OPCML: variants seen among roughly 807,000 people sequenced by gnomAD.
The protein encoded by OPCML is opioid-binding protein/cell adhesion molecule.
In OPCML, 13 loss-of-function variants were observed where a neutral mutation model predicts 37.8. That is an observed-to-expected ratio of 0.34 (90% CI 0.22 to 0.55). The LOEUF (loss-of-function observed/expected upper bound fraction) is 0.55. OPCML is among the 20% of genes least tolerant of loss of function. The pLI is 0.91. For synonymous variants in OPCML, 176 were observed against 168.8 expected, an observed-to-expected ratio of 1.04 and a Z score of -0.33; for missense variants, 341 against 435.6, an observed-to-expected ratio of 0.78 and a Z score of 1.93.
chr11:133,431,584 G>C (rs1296500033), intron 1 of OPCML, among the ~76,000 whole-genome samples: 2 of 151,912 alleles, frequency 1.3e-5, no homozygotes, highest in African/African-American at 4.8e-5. Flanking sequence ...TCCTCCATCA[G>C]CCTCCTGAGT....
chr11:132,571,184 TCTGGGA>T (rs1388052575), intron 3 of OPCML, among the ~76,000 whole-genome samples: 1 of 152,068 alleles, frequency 6.6e-6, no homozygotes, highest in East Asian at 2.0e-4. Flanking sequence ...GCCTTTGGAC[TCTGGGA>T]CTTAACACCA....
chr11:132,886,346 G>T (rs1193915670), intron 2 of OPCML, among the ~76,000 whole-genome samples: 6 of 152,310 alleles, frequency 3.9e-5, no homozygotes, highest in African/African-American at 1.4e-4. Context: ...ATTTGGCCTG[G>T]GTGGGGGCGG....
intron 2 of OPCML, among the ~76,000 whole-genome samples, chr11:132,929,046 T>TA (rs1007130276): frequency 2.1e-5 from 3 of 145,232 alleles, no homozygotes; most frequent in Non-Finnish European, 3.0e-5. Context: ...CTTAAGGAAC[T>TA]AAAAAAAAGA....
chr11:133,136,485 C>G (rs1949692502), intron 1 of OPCML, among the ~76,000 whole-genome samples: 1 of 152,092 alleles, frequency 6.6e-6, no homozygotes, highest in Admixed American at 6.5e-5. Context: ...TTGTAGCACA[C>G]CAGGAGCAGA....
At chr11:132,549,667 C>A (rs541760190) in intron 3 of OPCML, among the ~76,000 whole-genome samples, 1 of 152,342 alleles carries the variant, frequency 6.6e-6, no homozygotes, top group Admixed American at 6.5e-5. Flanking sequence ...TGGGAGCTTG[C>A]ACGCGTGAAT....
intron 1 of OPCML, among the ~76,000 whole-genome samples, chr11:133,463,188 A>T (rs2136989742): frequency 1.3e-5 from 2 of 151,336 alleles, no homozygotes; most frequent in Admixed American, 1.3e-4. Context: ...AAAAAAAAAA[A>T]TAGAAAGAAA....
chr11:133,276,606 A>G (rs1271747579), intron 1 of OPCML, among the ~76,000 whole-genome samples: 2 of 152,236 alleles, frequency 1.3e-5, no homozygotes, highest in Non-Finnish European at 2.9e-5. Flanking sequence ...CATGCTGTAC[A>G]AATAAAATGA....
At chr11:133,345,488 A>G (rs1241479440) in intron 1 of OPCML, among the ~76,000 whole-genome samples, 10 of 152,336 alleles carry the variant, frequency 6.6e-5, no homozygotes, top group Non-Finnish European at 1.5e-4. Flanking sequence ...TCCATGAAAC[A>G]CACTGCACTA....
At chr11:132,484,363 A>G (rs892894132) in intron 4 of OPCML, among the ~76,000 whole-genome samples, 10 of 152,346 alleles carry the variant, frequency 6.6e-5, no homozygotes, top group African/African-American at 2.2e-4. Context: ...CAAAACCACA[A>G]TGAGATACCA....
At chr11:132,728,024 G>T (rs1944946866) in intron 2 of OPCML, among the ~76,000 whole-genome samples, 1 of 152,170 alleles carries the variant, frequency 6.6e-6, no homozygotes, top group Admixed American at 6.5e-5. Flanking sequence ...GAAGAAACAG[G>T]TTTACCACAC....
intron 1 of OPCML, among the ~76,000 whole-genome samples, chr11:133,512,893 A>G (rs1248190826): frequency 6.6e-6 from 1 of 152,232 alleles, no homozygotes; most frequent in Non-Finnish European, 1.5e-5. Context: ...ACCAGGGCAG[A>G]GACCAATATA....
intron 1 of OPCML, among the ~76,000 whole-genome samples, chr11:133,342,432 C>T (rs963901017): frequency 3.3e-5 from 5 of 152,166 alleles, no homozygotes; most frequent in African/African-American, 1.2e-4. Context: ...TCTGCTCCTA[C>T]CTGTACATAG....
At chr11:133,319,255 C>G (rs1158543283) in intron 1 of OPCML, among the ~76,000 whole-genome samples, 1 of 152,050 alleles carries the variant, frequency 6.6e-6, no homozygotes, top group African/African-American at 2.4e-5. Context: ...TTGAAGCAGC[C>G]CAGTCAAGTT....
intron 2 of OPCML, among the ~76,000 whole-genome samples, chr11:132,881,465 C>T (rs1376435995): frequency 2.0e-5 from 3 of 152,112 alleles, no homozygotes; most frequent in African/African-American, 7.2e-5. Context: ...TGGCAGGAGG[C>T]CTGCTGACTA....
rs993850697 is a variant in OPCML at position 132,416,865 on chromosome 11, A to C, written c.*3328T>G. 2.6e-5 allele frequency: 4 copies of C among 152,628 alleles called. No individual in the cohort carries two copies. Among genetic ancestry groups the C allele is most frequent in the Non-Finnish European group, 5.9e-5 (4 of 68,040 alleles). 9.5% of individuals were successfully genotyped at this position (152,628 alleles called of 1,614,324 possible). A position where few individuals can be genotyped will look rare whatever the true frequency, so the allele number is the denominator to read the frequency against. On this transcript the variant is annotated 3_prime_UTR_variant, in exon 8 of 8. Transcript: ENST00000524381. ...ACATGCTTGTTTAGACTTGCAGTCG[A>C]CTGTATCAGGCACTTGACATTAAAC... is the stretch of plus-strand genomic sequence containing the variant.
chr11:133,271,220 G>C (rs961440614), intron 1 of OPCML, among the ~76,000 whole-genome samples: 1 of 152,126 alleles, frequency 6.6e-6, no homozygotes, highest in Non-Finnish European at 1.5e-5. Context: ...AGATTAAAAA[G>C]GGTAACATAC....
intron 4 of OPCML, among the ~76,000 whole-genome samples, chr11:132,474,898 A>G (rs2096150090): frequency 6.6e-6 from 1 of 152,218 alleles, no homozygotes; most frequent in South Asian, 2.1e-4. Flanking sequence ...GATGAAAGGC[A>G]TAATCCCCTG....
chr11:133,531,244 C>A (rs1177007730), intron 1 of OPCML, among the ~76,000 whole-genome samples: 1 of 152,204 alleles, frequency 6.6e-6, no homozygotes, highest in Non-Finnish European at 1.5e-5. Context: ...GACTCCTGTG[C>A]AATTATCAAA....
At position 133,140,838 on chromosome 11, in the gene OPCML, A is replaced by AGAC. The variant is rs1555102462; in HGVS notation, c.62-197831_62-197829dup. Reference sequence around the variant, plus strand: ...ACGAAGAAGAAGACGACGACGAAGAAGACGACGACGACGACGAAGAAGACG... The same window carrying AGAC: ...ACGAAGAAGAAGACGACGACGAAGAAGACGACGACGACGACGACGAAGAAGACG... On this transcript the variant is annotated intron_variant, in intron 1 of 7. Coordinates refer to ENST00000524381, the MANE Select transcript of OPCML (RefSeq NM_001012393.5). Among the ~76,000 whole-genome samples, 54 of 22,462 alleles carry AGAC rather than the reference A, an allele frequency of 2.4e-3. 6 individuals carry two copies. Among genetic ancestry groups the AGAC allele is most frequent in the Non-Finnish European group, 4.7e-3 (25 of 5,312 alleles). 14.7% of individuals were successfully genotyped at this position (22,462 alleles called of 152,430 possible).
Sources: gnomAD v4.1 joint callset for allele counts (sites outside exome capture counted in the v4.1 genomes callset) on GRCh38, gnomAD v4.1.1 for gene constraint, MANE v1.5 for transcripts, NCBI Gene and HGNC (gene_info 2026-07-23, HGNC 2026-07-21) for gene names.